The following OR52N1 variants were observed in gnomAD, a reference collection of about 807,000 sequenced individuals.
OR52N1 encodes the protein olfactory receptor family 52 subfamily N member 1.
Under a neutral mutation model 13.9 loss-of-function variants are expected in OR52N1, and 11 were observed. The ratio of observed to expected loss-of-function variants is 0.79; its 90% CI spans 0.50 to 1.31. The LOEUF is 1.31. Ranked by LOEUF, OR52N1 falls within the 40% of genes most tolerant of loss-of-function variation. The pLI is 0.00. For missense variants in OR52N1, 414 were observed against 397.7 expected (o/e 1.04, Z -0.35); for synonymous variants, 142 against 143.7 (o/e 0.99, Z 0.08).
chr11:5,788,046 G>C lies in OR52N1; in HGVS notation c.771C>G (p.Ala257=). The change falls in exon 2 of 2, where the codon GCC becomes GCG. Residue 257 remains alanine (A), a synonymous_variant. Coordinates refer to ENST00000641645, the MANE Select transcript of OR52N1 (RefSeq NM_001001913.2). The part of the protein sequence containing the change: ...FCAIVLTYVP[A]FFTFFTHHFG... ...AATGGTGTGTAAAGAAGGTAAAGAA[G>C]GCTGGAACATAGGTGAGGACTATGG... The C allele has an allele frequency of 1.9e-6, 3 of 1,587,202 alleles. 1 individual carries two copies. In the South Asian group the frequency reaches 3.3e-5, roughly 18 times the overall value.
In OR52N1 at chr11:5,788,144, G is replaced by C. The variant is rs1384449336; in HGVS notation, c.673C>G (p.Gln225Glu). ...CITISYTMIL[Q>E]AVVSLSSADA... is the part of the protein sequence containing the mutation. ...GCTGATGATAGACTCACAACTGCTT[G>C]AAGAATCATAGTGTAGGAGATTGTA... is the stretch of plus-strand genomic sequence containing the variant. Residue 225 changes from glutamine (Q) to glutamate (E), a missense_variant, in exon 2 of 2, where the codon CAA becomes GAA. Physicochemically the swap from Gln to Glu is conservative, Grantham distance 29. Coordinates refer to ENST00000641645, the MANE Select transcript of OR52N1 (RefSeq NM_001001913.2). The C allele has an allele frequency of 6.2e-7, 1 of 1,614,028 alleles. No individual in the cohort carries two copies. The highest frequency in any genetic ancestry group is 2.2e-5 in the East Asian group (1 of 44,848).
chr11:5,789,703 A>C (rs1854635640), intron 1 of OR52N1, among the ~76,000 whole-genome samples: 1 of 152,146 alleles, frequency 6.6e-6, no homozygotes, highest in Admixed American at 6.6e-5. Context: ...AATATTTTTG[A>C]GGCTTAAAAT....
chr11:5,788,845 A>T lies in OR52N1; in HGVS notation c.-29T>A, dbSNP rs1409249115. The T allele has an allele frequency of 6.4e-7, 1 of 1,556,146 alleles. No homozygotes were observed. Among genetic ancestry groups the T allele is most frequent in the East Asian group, 2.3e-5 (1 of 44,020 alleles). On this transcript the variant is annotated 5_prime_UTR_variant, in exon 2 of 2. Coordinates refer to ENST00000641645, the MANE Select transcript of OR52N1 (RefSeq NM_001001913.2). ...GACTGTTGGAAGTTCATTGTATAGC[A>T]GTTATAGCATTGCCTCTGTGAGCAG...
chr11:5,789,041 A>ATGT (rs1435298421), intron 1 of OR52N1, among the ~76,000 whole-genome samples, 181 bp from the exon 2 acceptor site: 2 of 152,090 alleles, frequency 1.3e-5, no homozygotes, highest in African/African-American at 2.4e-5. Flanking sequence ...TGACAGGAAA[A>ATGT]ACTGAGTCTA....
Position 5,788,620 on chromosome 11 carries a change from G to T in OR52N1, c.197C>A (p.Ala66Asp). ...ALHRPMYVFL[A>D]LLSFTDVLMC... ...GAGCACATCTGTGAAGGAAAGAAGG[G>T]CAAGGAAGACATACATAGGTCTGTG... Residue 66 changes from alanine (A) to aspartate (D), a missense_variant, in exon 2 of 2, where the codon GCC becomes GAC. Coordinates refer to ENST00000641645, the MANE Select transcript of OR52N1 (RefSeq NM_001001913.2). 1 of 1,614,052 alleles carries T rather than the reference G, an allele frequency of 6.2e-7. No individual in the cohort carries two copies. Among genetic ancestry groups the T allele is most frequent in the Non-Finnish European group, 8.5e-7 (1 of 1,179,972 alleles).
rs761479165 is a variant in OR52N1 at position 5,788,192 on chromosome 11, CA to C, written c.624del (p.Ile208MetfsTer15). The C allele has an allele frequency of 3.7e-6, 6 of 1,613,980 alleles. No homozygotes were observed. In the East Asian group the frequency reaches 1.1e-4, roughly 30 times the overall value. ...GTAATGCACAGGATATCAAAGCCCC[CA>C]ATCAGCAGGGCAACTATCAAACCAT... ...AIYGLIVALL[I>X]GGFDILCITI... On this transcript the variant is annotated frameshift_variant, in exon 2 of 2. Transcript: ENST00000641645. LOFTEE classifies it high-confidence loss of function.
chr11:5,789,079 G>C (rs1367758796), intron 1 of OR52N1, among the ~76,000 whole-genome samples: 1 of 152,076 alleles, frequency 6.6e-6, no homozygotes, highest in African/African-American at 2.4e-5. Flanking sequence ...TGAATATCTG[G>C]GGTCTTTGTT....
rs764121430 is a variant in OR52N1 at position 5,788,460 on chromosome 11, G to A, written c.357C>T (p.Leu119=). 3.1e-6 allele frequency: 5 copies of A among 1,613,938 alleles called. No individual in the cohort carries two copies. The highest frequency in any genetic ancestry group is 3.3e-5 in the Admixed American group (2 of 59,982). ...TGGCCACACAGTGGTCCAGGGCCAT[G>A]AGCATGAGCACCCCAGACTCCATCC... is the stretch of plus-strand genomic sequence containing the variant. ...FTGMESGVLM[L]MALDHCVAIC... The change falls in exon 2 of 2, where the codon CTC becomes CTT. Residue 119 remains leucine, a synonymous_variant. Coordinates refer to ENST00000641645, the MANE Select transcript of OR52N1 (RefSeq NM_001001913.2).
Position 5,788,765 on chromosome 11 carries a change from C to A in OR52N1, c.52G>T (p.Gly18Cys), listed in dbSNP as rs1467882826. The A allele has an allele frequency of 1.9e-6, 3 of 1,610,368 alleles. No individual in the cohort carries two copies. Among genetic ancestry groups the A allele is most frequent in the East Asian group, 4.5e-5 (2 of 44,774 alleles). Residue 18 changes from glycine (G) to cysteine (C), a missense_variant, in exon 2 of 2, where the codon GGC becomes TGC. Coordinates refer to ENST00000641645, the MANE Select transcript of OR52N1 (RefSeq NM_001001913.2). Reference protein sequence around the residue: ...SLTPASFILNGIPGLEDVHLW... With the variant: ...SLTPASFILNCIPGLEDVHLW... ...TGCACATCTTCCAAACCAGGGATGCCATTTAGGATGAATGAAGCTGGAGTT... is the reference window on the plus strand; with the variant it reads ...TGCACATCTTCCAAACCAGGGATGCAATTTAGGATGAATGAAGCTGGAGTT...
chr11:5,788,268 G>T lies in OR52N1; in HGVS notation c.549C>A (p.His183Gln), dbSNP rs774787785. 6.2e-7 allele frequency: 1 copy of T among 1,614,094 alleles called. No homozygotes were observed. Among genetic ancestry groups the T allele is most frequent in the Admixed American group, 1.7e-5 (1 of 59,990 alleles). ...GNVIPHTYCD[H>Q]MSVAKISCGN... ...CACAAGATATCTTGGCCACAGACAT[G>T]TGGTCACAGTAGGTGTGGGGTATGA... The change falls in exon 2 of 2, where the codon CAC becomes CAA. Residue 183 changes from histidine (H) to glutamine (Q), a missense_variant. By Grantham distance (24) the His-to-Gln change is conservative. Coordinates refer to ENST00000641645, the MANE Select transcript of OR52N1 (RefSeq NM_001001913.2).
rs1287850672 is a variant in OR52N1, at chr11:5,788,314, A to G, written c.503T>C (p.Leu168Pro). The G allele has an allele frequency of 2.5e-6, 4 of 1,614,024 alleles. No homozygotes were observed. The Middle Eastern group carries it at 5.0e-4, about 200-fold the overall frequency. Reference protein sequence around the residue: ...VIPSTFLTKRLPYCKGNVIPH... With the variant: ...VIPSTFLTKRPPYCKGNVIPH... ...TATGACGTTGCCCTTGCAGTATGGA[A>G]GGCGCTTGGTGAGGAAAGTGGAAGG... is the stretch of plus-strand genomic sequence containing the variant. Residue 168 changes from leucine to proline, a missense_variant, in exon 2 of 2, where the codon CTT becomes CCT. Coordinates refer to ENST00000641645, the MANE Select transcript of OR52N1 (RefSeq NM_001001913.2).
chr11:5,790,496 T>C (rs1042168613), intron 1 of OR52N1, among the ~76,000 whole-genome samples: 4 of 152,210 alleles, frequency 2.6e-5, no homozygotes, highest in East Asian at 1.9e-4. Flanking sequence ...GTTTCAGTAA[T>C]TGAAATGTGA....
rs752954363 is a variant in OR52N1, at chr11:5,788,817, A to G, written c.-1T>C. 6.3e-7 allele frequency: 1 copy of G among 1,597,234 alleles called. No homozygotes were observed. The highest frequency in any genetic ancestry group is 8.5e-7 in the Non-Finnish European group (1 of 1,176,768). Reference sequence around the variant, plus strand: ...GGCTGGTGCCATTTAGAAATGACATAATGACTGTTGGAAGTTCATTGTATA... The same window carrying G: ...GGCTGGTGCCATTTAGAAATGACATGATGACTGTTGGAAGTTCATTGTATA... On this transcript the variant is annotated 5_prime_UTR_variant, in exon 2 of 2. Transcript: ENST00000641645.
Position 5,788,329 on chromosome 11 carries a change from A to G in OR52N1, c.488T>C (p.Phe163Ser). Residue 163 changes from phenylalanine to serine, a missense_variant, in exon 2 of 2, where the codon TTC becomes TCC. Phe to Ser is a radical substitution (Grantham distance 155). Transcript: ENST00000641645. ...RGVMLVIPST[F>S]LTKRLPYCKG... is the part of the protein sequence containing the mutation. ...GCAGTATGGAAGGCGCTTGGTGAGG[A>G]AAGTGGAAGGGATAACAAGCATCAC... 1 of 1,613,988 alleles carries G rather than the reference A, an allele frequency of 6.2e-7. No individual in the cohort carries two copies.
At chr11:5,790,919 G>A (rs1426390012) in intron 1 of OR52N1, among the ~76,000 whole-genome samples, 192 bp downstream of exon 1, 5 of 151,926 alleles carry the variant, frequency 3.3e-5, no homozygotes, top group Non-Finnish European at 7.4e-5. Context: ...TTCTTTTGCT[G>A]TGCATAACTC....
rs1216277361 is a variant in OR52N1, at chr11:5,788,312, G to A, written c.505C>T (p.Pro169Ser). 1 of 1,614,032 alleles carries A rather than the reference G, an allele frequency of 6.2e-7. No individual in the cohort carries two copies. ...GGTATGACGTTGCCCTTGCAGTATG[G>A]AAGGCGCTTGGTGAGGAAAGTGGAA... is the stretch of plus-strand genomic sequence containing the variant. ...IPSTFLTKRL[P>S]YCKGNVIPHT... The change falls in exon 2 of 2, where the codon CCA (proline) becomes TCA (serine). Residue 169 changes from proline (P) to serine (S), a missense_variant. Pro to Ser is a moderately conservative substitution (Grantham distance 74). Coordinates refer to ENST00000641645, the MANE Select transcript of OR52N1 (RefSeq NM_001001913.2).
chr11:5,788,870 G>C lies in OR52N1; in HGVS notation c.-44-10C>G. On this transcript the variant is annotated splice_polypyrimidine_tract_variant and intron_variant, in intron 1 of 1. Transcript: ENST00000641645. Reference sequence around the variant, plus strand: ...AGTTATAGCATTGCCTCTGTGAGCAGGAAATAAAAAAAAGAGTAATTTCAA... The same window carrying C: ...AGTTATAGCATTGCCTCTGTGAGCACGAAATAAAAAAAAGAGTAATTTCAA... The C allele has an allele frequency of 7.3e-7, 1 of 1,374,896 alleles. No individual in the cohort carries two copies. The highest frequency in any genetic ancestry group is 1.4e-5 in the South Asian group (1 of 71,946). The allele number at this position is 1,374,896 out of a possible 1,614,324, so 85.2% of individuals were successfully genotyped here.
At chr11:5,789,954 C>T (rs1002401843) in intron 1 of OR52N1, among the ~76,000 whole-genome samples, 5 of 151,936 alleles carry the variant, frequency 3.3e-5, no homozygotes, top group African/African-American at 1.2e-4. Context: ...ATAGGCTTCA[C>T]GGGTCTGAAG....
rs1590355182 is a variant in OR52N1, at chr11:5,788,044, A to G, written c.773T>C (p.Phe258Ser). The G allele has an allele frequency of 2.7e-6, 3 of 1,098,316 alleles. No individual in the cohort carries two copies. Among genetic ancestry groups the G allele is most frequent in the Admixed American group, 2.5e-5 (1 of 40,646 alleles). The allele number at this position is 1,098,316 out of a possible 1,614,324, so 68.0% of individuals were successfully genotyped here. A position where few individuals can be genotyped will look rare whatever the true frequency, so the allele number is the denominator to read the frequency against. ...CAIVLTYVPAFFTFFTHHFGG... is the reference protein window; with the variant it reads ...CAIVLTYVPASFTFFTHHFGG... ...AAAATGGTGTGTAAAGAAGGTAAAG[A>G]AGGCTGGAACATAGGTGAGGACTAT... The change falls in exon 2 of 2, where the codon TTC becomes TCC. Residue 258 changes from phenylalanine (F) to serine (S), a missense_variant. Phe to Ser is a radical substitution (Grantham distance 155). Coordinates refer to ENST00000641645, the MANE Select transcript of OR52N1 (RefSeq NM_001001913.2).
Sources: gnomAD v4.1 joint callset for allele counts (sites outside exome capture counted in the v4.1 genomes callset) on GRCh38, gnomAD v4.1.1 for gene constraint, MANE v1.5 for transcripts, NCBI Gene and HGNC (gene_info 2026-07-23, HGNC 2026-07-21) for gene names.